The following SNX30 variants were observed in gnomAD, a reference collection of about 807,000 sequenced individuals.
SNX30 encodes sorting nexin-30.
Under a neutral mutation model 46.4 loss-of-function variants are expected in SNX30, and 24 were observed. That is an observed-to-expected ratio of 0.52 (90% CI 0.37 to 0.73). The LOEUF is 0.73. Among genes scored for constraint, SNX30 ranks in the 30% least tolerant of loss-of-function variants. The probability of loss-of-function intolerance (pLI) is 0.00; values close to 1 mark genes in which losing one functional copy is unlikely to be tolerated. For missense variants in SNX30, 533 were observed against 555.7 expected (o/e 0.96, Z 0.41); for synonymous variants, 189 against 211.5 (o/e 0.89, Z 0.92).
At chr9:112,842,616 A>AG (rs1840877279) in intron 6 of SNX30, among the ~76,000 whole-genome samples, 1 of 152,262 alleles carries the variant, frequency 6.6e-6, no homozygotes, top group Non-Finnish European at 1.5e-5. Flanking sequence ...GCATGGCCAC[A>AG]GGACTATACT....
chr9:112,787,258 A>T (rs1029356617), intron 1 of SNX30, among the ~76,000 whole-genome samples: 15 of 152,198 alleles, frequency 9.9e-5, no homozygotes, highest in African/African-American at 3.6e-4. Flanking sequence ...AGTGCCACAA[A>T]ACTAGTACTG....
chr9:112,863,943 G>C (rs908257433), intron 7 of SNX30, among the ~76,000 whole-genome samples: 6 of 152,226 alleles, frequency 3.9e-5, no homozygotes, highest in Non-Finnish European at 8.8e-5. Context: ...AGGAACCAAA[G>C]ACATATGAGT....
At chr9:112,853,002 A>G (rs1354982736) in intron 7 of SNX30, among the ~76,000 whole-genome samples, 1 of 152,174 alleles carries the variant, frequency 6.6e-6, no homozygotes, top group African/African-American at 2.4e-5. Context: ...GGATCACTGC[A>G]GTGGTCATCT....
intron 2 of SNX30, among the ~76,000 whole-genome samples, chr9:112,808,648 T>G (rs1028894371): frequency 6.6e-6 from 1 of 152,238 alleles, no homozygotes; most frequent in South Asian, 2.1e-4. Context: ...GCTAAAACAC[T>G]AAAGAATGCC....
chr9:112,775,540 A>ATTTG (rs1839730825), intron 1 of SNX30, among the ~76,000 whole-genome samples: 1 of 60,564 alleles, frequency 1.7e-5, no homozygotes, highest in Non-Finnish European at 3.1e-5. Context: ...TTTATTTTAA[A>ATTTG]TTTGTGTGTG....
chr9:112,775,691 T>C (rs1839735476), intron 1 of SNX30, among the ~76,000 whole-genome samples: 1 of 151,870 alleles, frequency 6.6e-6, no homozygotes, highest in Non-Finnish European at 1.5e-5. Context: ...TCAGCAGGTT[T>C]CCCTCCTCAG....
At chr9:112,774,919 A>T (rs1588111730) in intron 1 of SNX30, among the ~76,000 whole-genome samples, 1 of 141,770 alleles carries the variant, frequency 7.1e-6, no homozygotes, top group African/African-American at 2.7e-5. Context: ...GTCTCGACTC[A>T]CTGCAACCTC....
intron 1 of SNX30, among the ~76,000 whole-genome samples, chr9:112,762,481 C>G (rs1385790727): frequency 6.6e-6 from 1 of 152,094 alleles, no homozygotes; most frequent in Non-Finnish European, 1.5e-5. Flanking sequence ...GACACATCAA[C>G]AGATGGTTGC....
intron 4 of SNX30, among the ~76,000 whole-genome samples, chr9:112,835,571 C>T (rs754868691): frequency 6.6e-6 from 1 of 152,040 alleles, no homozygotes; most frequent in African/African-American, 2.4e-5. Flanking sequence ...CCCACCTCAG[C>T]CTCCCACAGT....
chr9:112,776,895 A>G (rs1839756643), intron 1 of SNX30, among the ~76,000 whole-genome samples: 3 of 152,190 alleles, frequency 2.0e-5, no homozygotes, highest in Admixed American at 1.3e-4. Context: ...TGCTCTTCCC[A>G]CAATACCCTT....
Position 112,827,893 on chromosome 9 carries a change from C to T in SNX30, c.460-2832C>T, listed in dbSNP as rs554104723. ...TGTCCTGATAGACCTGCTTGGCCAA[C>T]GTTGTCTTGGTTTATTCCCTAAAGA... On this transcript the variant is annotated intron_variant, in intron 3 of 8. Transcript: ENST00000374232. Among the ~76,000 whole-genome samples the T allele has an allele frequency of 5.9e-5, 9 of 152,286 alleles. No individual in the cohort carries two copies. In the South Asian group the frequency reaches 1.4e-3, roughly 25 times the overall value.
At chr9:112,830,622 A>G in intron 3 of SNX30, 103 bp from the exon 4 acceptor site, 1 of 1,048,482 alleles carries the variant, frequency 9.5e-7, no homozygotes, top group Non-Finnish European at 1.4e-6. Context: ...ATTAAGAAAT[A>G]CTTTTCTTGG....
intron 3 of SNX30, among the ~76,000 whole-genome samples, chr9:112,824,502 G>C: frequency 6.6e-6 from 1 of 150,572 alleles, no homozygotes; most frequent in East Asian, 1.9e-4. Context: ...TTTCATCACT[G>C]TCCACTCCCT....
At chr9:112,832,495 T>TGA (rs142505240) in intron 4 of SNX30, among the ~76,000 whole-genome samples, 26 of 135,404 alleles carry the variant, frequency 1.9e-4, no homozygotes, top group African/African-American at 7.5e-4. Context: ...TGTGTGTGTG[T>TGA]GAGAGAGAGA....
At chr9:112,819,057 A>AT (rs1840449940) in intron 3 of SNX30, among the ~76,000 whole-genome samples, 1 of 152,208 alleles carries the variant, frequency 6.6e-6, no homozygotes, top group African/African-American at 2.4e-5. Context: ...TTAGTGAATA[A>AT]TTTTTAAAAA....
At chr9:112,806,220 TC>T (rs1840222443) in intron 2 of SNX30, among the ~76,000 whole-genome samples, 1 of 152,110 alleles carries the variant, frequency 6.6e-6, no homozygotes, top group Admixed American at 6.6e-5. Flanking sequence ...TGCCAAATGT[TC>T]CCTGGGGGAC....
At chr9:112,812,866 G>T (rs1840340641) in intron 2 of SNX30, among the ~76,000 whole-genome samples, 1 of 152,072 alleles carries the variant, frequency 6.6e-6, no homozygotes, top group African/African-American at 2.4e-5. Context: ...AAAACAACAG[G>T]CCGGGCATGG....
chr9:112,749,998 C>A (rs571492386), upstream of SNX30, among the ~76,000 whole-genome samples: 7 of 152,188 alleles, frequency 4.6e-5, no homozygotes, highest in African/African-American at 1.7e-4. Flanking sequence ...ATTTGCACCA[C>A]GCCAGCAAAT....
Position 112,796,023 on chromosome 9 carries a change from C to T in SNX30, c.157-8753C>T, listed in dbSNP as rs1588119369. On this transcript the variant is annotated intron_variant, in intron 1 of 8. Transcript: ENST00000374232. The stretch of plus-strand genomic sequence containing the variant: ...GAAGATATTTGGAGATTATTATGTA[C>T]AGCAGGGGAGCTTTTCCAGCAAAGA... 2.0e-5 allele frequency among the ~76,000 whole-genome samples: 3 copies of T among 152,172 alleles called. No individual in the cohort carries two copies. In the South Asian group the frequency reaches 6.2e-4, roughly 32 times the overall value.
Sources: allele counts gnomAD v4.1 joint callset (sites outside exome capture counted in the v4.1 genomes callset), GRCh38; gene constraint gnomAD v4.1.1; transcripts MANE v1.5; gene names NCBI Gene and HGNC (gene_info 2026-07-23, HGNC 2026-07-21).